USP8: variants seen among roughly 807,000 people sequenced by gnomAD.
USP8 encodes the protein ubiquitin carboxyl-terminal hydrolase 8.
In USP8, 27 loss-of-function variants were observed where a neutral mutation model predicts 130.0. The observed-to-expected ratio is 0.21, with a 90% CI of 0.15 to 0.29. USP8 has a LOEUF of 0.29. Among genes scored for constraint, USP8 ranks in the 10% least tolerant of loss-of-function variants. USP8 has a pLI of 1.00. For synonymous variants in USP8, 392 were observed against 444.1 expected (o/e 0.88, Z 1.48); for missense variants, 1,029 against 1,312.2 (o/e 0.78, Z 3.33).
At position 50,481,476 on chromosome 15, in the gene USP8, T is replaced by C. The variant is rs778844616; in HGVS notation, c.1219-5T>C. On this transcript the variant is annotated splice_polypyrimidine_tract_variant and splice_region_variant and intron_variant, in intron 10 of 19. Transcript: ENST00000307179. ...AAATGTTTTGCTCTGGTTTTGTTGC[T>C]CTAGATTGATCGTACTAAAAAACCA... 1.1e-5 allele frequency: 17 copies of C among 1,567,838 alleles called. No homozygotes were observed. The South Asian group carries it at 1.7e-4, about 16-fold the overall frequency.
chr15:50,477,975 A>G (rs2051627118), intron 10 of USP8, among the ~76,000 whole-genome samples: 1 of 152,208 alleles, frequency 6.6e-6, no homozygotes, highest in Non-Finnish European at 1.5e-5. Context: ...TTTCATCATA[A>G]TTCAGCATTA....
At chr15:50,492,953 G>T in intron 15 of USP8, 40 bp downstream of exon 15, 1 of 1,554,686 alleles carries the variant, frequency 6.4e-7, no homozygotes, top group South Asian at 1.1e-5. Flanking sequence ...AATGCTAAAA[G>T]GATGATCTAA....
rs747842448 is a variant in USP8, at chr15:50,459,143, C to G, written c.479C>G (p.Ser160Cys). Residue 160 changes from serine (S) to cysteine (C), a missense_variant, in exon 5 of 20, where the codon TCC becomes TGC. By Grantham distance (112) the Ser-to-Cys change is moderately radical. Around this residue, in one of 4 missense-constraint regions of USP8, gnomAD observed 281 missense variants for 336.7 expected, o/e 0.83. Coordinates refer to ENST00000307179, the MANE Select transcript of USP8 (RefSeq NM_005154.5). Reference sequence around the variant, plus strand: ...GGCTCTTTGGAGAATGTTTTGGATTCCAAAGACAAAACCCAAAAGGTATTT... The same window carrying G: ...GGCTCTTTGGAGAATGTTTTGGATTGCAAAGACAAAACCCAAAAGGTATTT... ...AKGSLENVLD[S>C]KDKTQKSNGE... 5.1e-5 allele frequency: 82 copies of G among 1,607,078 alleles called. No individual in the cohort carries two copies. The highest frequency in any genetic ancestry group is 6.8e-5 in the Non-Finnish European group (80 of 1,178,438).
intron 1 of USP8, among the ~76,000 whole-genome samples, chr15:50,431,599 T>C (rs2049933472): frequency 1.3e-5 from 2 of 152,172 alleles, no homozygotes; most frequent in Non-Finnish European, 2.9e-5. Flanking sequence ...CAAAGACATG[T>C]CAACATTTTC....
rs71424071 is a variant in USP8, at chr15:50,485,550, A to ATTTTTTTT, written c.1890+1215_1890+1222dup. Among the ~76,000 whole-genome samples, 74 of 27,942 alleles carry ATTTTTTTT rather than the reference A, an allele frequency of 2.6e-3. 8 individuals are homozygous for ATTTTTTTT. The highest frequency in any genetic ancestry group is 4.8e-3 in the South Asian group (2 of 414). The allele number at this position is 27,942 out of a possible 152,430, so 18.3% of individuals were successfully genotyped here. ...CCCATTTTTAGCATGCAGTTTAGTGATTTTTTTTTTTTTTTTTTTTTTTTT... is the reference window on the plus strand; with the variant it reads ...CCCATTTTTAGCATGCAGTTTAGTGATTTTTTTTTTTTTTTTTTTTTTTTTTTTTTTTT... On this transcript the variant is annotated intron_variant, in intron 12 of 19. Coordinates refer to ENST00000307179, the MANE Select transcript of USP8 (RefSeq NM_005154.5).
intron 10 of USP8, among the ~76,000 whole-genome samples, 173 bp downstream of exon 10, chr15:50,477,672 C>T (rs945873746): frequency 6.6e-6 from 1 of 151,968 alleles, no homozygotes; most frequent in African/African-American, 2.4e-5. Context: ...AAACCCCCCT[C>T]TCTACTAATA....
intron 2 of USP8, 102 bp from the exon 3 acceptor site, chr15:50,441,247 G>A: frequency 8.6e-7 from 1 of 1,168,740 alleles, no homozygotes; most frequent in African/African-American, 1.6e-5. Context: ...TGGCCCTGGG[G>A]TTGGGGATCC....
intron 1 of USP8, among the ~76,000 whole-genome samples, chr15:50,431,586 A>T (rs770837287): frequency 6.6e-6 from 1 of 152,134 alleles, no homozygotes; most frequent in Non-Finnish European, 1.5e-5. Context: ...GGTGCCAGGG[A>T]TCCAAAGACA....
chr15:50,468,768 C>T lies in USP8; in HGVS notation c.687-2865C>T, dbSNP rs555269194. Among the ~76,000 whole-genome samples, 65 of 152,126 alleles carry T rather than the reference C, an allele frequency of 4.3e-4. 1 individual carries two copies. In the South Asian group the frequency reaches 0.012, roughly 29 times the overall value. ...CTTCTTTGTGTTCATAAGTTCTTACCGTTTAGCTCCCATATTCTTAACTTT... is the reference window on the plus strand; with the variant it reads ...CTTCTTTGTGTTCATAAGTTCTTACTGTTTAGCTCCCATATTCTTAACTTT... On this transcript the variant is annotated intron_variant, in intron 7 of 19. Transcript: ENST00000307179.
Position 50,499,476 on chromosome 15 carries a change from C to CAGAT in USP8, c.*391_*394dup, listed in dbSNP as rs771283189. On this transcript the variant is annotated 3_prime_UTR_variant, in exon 20 of 20. Transcript: ENST00000307179. Reference sequence around the variant, plus strand: ...ATGAATACTCTAGAATGATGTAAAGCAGATAGGAATGTATGTGTACATATT... The same window carrying CAGAT: ...ATGAATACTCTAGAATGATGTAAAGCAGATAGATAGGAATGTATGTGTACATATT... The CAGAT allele has an allele frequency of 1.4e-3, 225 of 155,932 alleles. No individual in the cohort carries two copies. The Middle Eastern group carries it at 0.017, about 11-fold the overall frequency. 9.7% of individuals were successfully genotyped at this position (155,932 alleles called of 1,614,324 possible).
Position 50,460,237 on chromosome 15 carries a change from A to G in USP8, c.498+1075A>G, listed in dbSNP as rs183382062. On this transcript the variant is annotated intron_variant, in intron 5 of 19. Transcript: ENST00000307179. The stretch of plus-strand genomic sequence containing the variant: ...GGTCTCGAACTCCTGACCTCCAGTG[A>G]TCTGCCTGCCTCAGCCTTCCAAAGT... Among the ~76,000 whole-genome samples the G allele has an allele frequency of 3.5e-3, 513 of 146,382 alleles. 4 individuals are homozygous for G. Among genetic ancestry groups the G allele is most frequent in the African/African-American group, 0.013 (496 of 39,558 alleles).
chr15:50,426,236 A>G (rs911197111), intron 1 of USP8, among the ~76,000 whole-genome samples: 4 of 152,354 alleles, frequency 2.6e-5, no homozygotes, highest in Middle Eastern at 3.4e-3. Flanking sequence ...GTCTAGCACT[A>G]TATTACGAAC....
At chr15:50,445,236 T>C (rs183199492) in intron 3 of USP8, among the ~76,000 whole-genome samples, 8 of 152,076 alleles carry the variant, frequency 5.3e-5, no homozygotes, top group East Asian at 1.9e-4. Flanking sequence ...TTCACTCTTA[T>C]TTTATACTAG....
At chr15:50,445,281 C>T (rs2050387842) in intron 3 of USP8, among the ~76,000 whole-genome samples, 2 of 151,950 alleles carry the variant, frequency 1.3e-5, no homozygotes, top group South Asian at 2.1e-4. Flanking sequence ...CGCAATGGCT[C>T]ACCCCTGTAA....
chr15:50,431,861 G>A, intron 1 of USP8, among the ~76,000 whole-genome samples: 1 of 152,090 alleles, frequency 6.6e-6, no homozygotes, highest in African/African-American at 2.4e-5. Flanking sequence ...TCTCCATATT[G>A]GTCAGGCTGG....
intron 12 of USP8, among the ~76,000 whole-genome samples, chr15:50,487,888 A>ATAC (rs1555391299): frequency 6.6e-6 from 1 of 152,226 alleles, no homozygotes; most frequent in African/African-American, 2.4e-5. Flanking sequence ...CATAATCAGT[A>ATAC]TAAGTATAAG....
At chr15:50,478,108 AT>A (rs1034408281) in intron 10 of USP8, among the ~76,000 whole-genome samples, 1 of 152,118 alleles carries the variant, frequency 6.6e-6, no homozygotes, top group African/African-American at 2.4e-5. Flanking sequence ...CCCTTTTGGG[AT>A]TTTTTGTATT....
chr15:50,506,995 G>C lies in USP8; in HGVS notation c.*7907G>C, dbSNP rs946169491. On this transcript the variant is annotated 3_prime_UTR_variant, in exon 20 of 20. Coordinates refer to ENST00000307179, the MANE Select transcript of USP8 (RefSeq NM_005154.5). Reference sequence around the variant, plus strand: ...AAAAAAAAAAAAAAAAAAAAATCCAGTTTTAGGCCAAGTGTGGTGGCTCAT... The same window carrying C: ...AAAAAAAAAAAAAAAAAAAAATCCACTTTTAGGCCAAGTGTGGTGGCTCAT... 1.6e-5 allele frequency: 2 copies of C among 124,756 alleles called. No individual in the cohort carries two copies. The highest frequency in any genetic ancestry group is 3.2e-5 in the Non-Finnish European group (2 of 61,692). The allele number at this position is 124,756 out of a possible 1,614,324, so 7.7% of individuals were successfully genotyped here.
rs753669898 is a variant in USP8 at position 50,481,458 on chromosome 15, T to C, written c.1219-23T>C. On this transcript the variant is annotated intron_variant, in intron 10 of 19. Coordinates refer to ENST00000307179, the MANE Select transcript of USP8 (RefSeq NM_005154.5). ...TTTCCTGATTTTTGACAAAAATGTT[T>C]TGCTCTGGTTTTGTTGCTCTAGATT... 1.0e-5 allele frequency: 15 copies of C among 1,478,226 alleles called. No homozygotes were observed. The Admixed American group carries it at 3.3e-4, about 33-fold the overall frequency. The allele number at this position is 1,478,226 out of a possible 1,614,324, so 91.6% of individuals were successfully genotyped here.
Sources: gnomAD v4.1 joint callset for allele counts (sites outside exome capture counted in the v4.1 genomes callset) on GRCh38, gnomAD v4.1.1 for gene constraint, gnomAD v4.1.1 regional missense constraint, MANE v1.5 for transcripts, NCBI Gene and HGNC (gene_info 2026-07-23, HGNC 2026-07-21) for gene names.